Variants in FAM185A observed in about 807,000 individuals in gnomAD.
FAM185A encodes family with sequence similarity 185 member A.
FAM185A carries 21 observed loss-of-function variants against 45.7 expected under a neutral mutation model. The ratio of observed to expected loss-of-function variants is 0.46; its 90% CI spans 0.33 to 0.66. The LOEUF is 0.66. FAM185A is among the 30% of genes least tolerant of loss of function. The pLI is 0.03. For synonymous variants in FAM185A, 117 were observed against 194.0 expected, an observed-to-expected ratio of 0.60 and a Z score of 3.30; for missense variants, 305 against 485.4, an observed-to-expected ratio of 0.63 and a Z score of 3.49.
intron 5 of FAM185A, among the ~76,000 whole-genome samples, chr7:102,775,532 A>T (rs998397129): frequency 2.6e-5 from 4 of 152,158 alleles, no homozygotes; most frequent in Non-Finnish European, 5.9e-5. Context: ...ATTAGAGATC[A>T]ATACAGATAA....
intron 5 of FAM185A, among the ~76,000 whole-genome samples, chr7:102,773,726 GT>G (rs1397826343): frequency 6.6e-6 from 1 of 152,024 alleles, no homozygotes; most frequent in Non-Finnish European, 1.5e-5. Context: ...ATTATTGTCA[GT>G]TTTAAAATTT....
chr7:102,843,924 C>T, the FAM185A span, among the ~76,000 whole-genome samples: 5 of 152,102 alleles, frequency 3.3e-5, no homozygotes, highest in Admixed American at 6.5e-5. Context: ...CTCCATAAGC[C>T]GAAGTCAGAT....
intron 4 of FAM185A, 48 bp from the exon 5 acceptor site, chr7:102,772,360 CT>C (rs1344981936): frequency 8.6e-7 from 1 of 1,166,582 alleles, no homozygotes; most frequent in Admixed American, 2.7e-5. Flanking sequence ...ATCACAGTTC[CT>C]TTCTAGATTG....
intron 2 of FAM185A, 60 bp from the exon 3 acceptor site, chr7:102,757,794 C>CG (rs1212732993): frequency 1.6e-6 from 2 of 1,228,696 alleles, no homozygotes; most frequent in African/African-American, 3.1e-5. Context: ...AAATGTTTCA[C>CG]TAGTATAAGT....
chr7:102,776,192 C>G (rs891805686), intron 5 of FAM185A, among the ~76,000 whole-genome samples: 8 of 149,236 alleles, frequency 5.4e-5, no homozygotes, highest in African/African-American at 2.0e-4. Context: ...TTTGTTTCCA[C>G]TTTGAAGTAA....
chr7:102,838,759 G>A, the FAM185A span, among the ~76,000 whole-genome samples: 6 of 152,196 alleles, frequency 3.9e-5, no homozygotes, highest in South Asian at 2.1e-4. Flanking sequence ...AAAAGTCATC[G>A]CCATTCTGCA....
At position 102,749,326 on chromosome 7, in the gene FAM185A, G is replaced by A; in HGVS notation, c.119G>A (p.Ser40Asn). The change falls in exon 1 of 8, where the codon AGC (serine) becomes AAC (asparagine). Residue 40 changes from serine to asparagine, a missense_variant. Physicochemically the swap from Ser to Asn is conservative, Grantham distance 46. Coordinates refer to ENST00000413034, the MANE Select transcript of FAM185A (RefSeq NM_001145268.2). Reference sequence around the variant, plus strand: ...TGGGCTTGCCAAGCCAGGCCGTACAGCTCAGGTGGGAGCGAGCGCTGGCCC... The same window carrying A: ...TGGGCTTGCCAAGCCAGGCCGTACAACTCAGGTGGGAGCGAGCGCTGGCCC... ...ACWACQARPY[S>N]SGGSERWPGS... 1.3e-6 allele frequency: 2 copies of A among 1,549,648 alleles called. No individual in the cohort carries two copies. The highest frequency in any genetic ancestry group is 2.4e-5 in the East Asian group (1 of 40,916).
chr7:102,805,628 T>G (rs975214725), intron 7 of FAM185A, among the ~76,000 whole-genome samples: 1 of 151,962 alleles, frequency 6.6e-6, no homozygotes, highest in Non-Finnish European at 1.5e-5. Flanking sequence ...AAATTACAAC[T>G]AAAGAACTTA....
intron 2 of FAM185A, chr7:102,754,887 A>G (rs1386468972): frequency 6.6e-6 from 1 of 151,966 alleles, no homozygotes; most frequent in African/African-American, 2.4e-5. Context: ...TGATTTATTT[A>G]AACATTTAAC....
downstream of FAM185A, among the ~76,000 whole-genome samples, chr7:102,811,714 T>C (rs1284724499): frequency 6.6e-6 from 1 of 152,224 alleles, no homozygotes; most frequent in African/African-American, 2.4e-5. Context: ...GATCAGATTT[T>C]TGAAAACATC....
At chr7:102,834,812 A>G in the FAM185A span, 1 of 151,960 alleles carries the variant, frequency 6.6e-6, no homozygotes, top group Non-Finnish European at 1.5e-5. Flanking sequence ...AAATGTTCTC[A>G]CCATAAAAAG....
chr7:102,758,459 T>TTTTTTTTTTTTTTTTTTTTTTTTTTA lies in FAM185A; in HGVS notation c.654+513_654+514insTTTTTTTTTTTTTTTTTTTTTTTTTA, dbSNP rs1554364935. On this transcript the variant is annotated intron_variant, in intron 3 of 7. Coordinates refer to ENST00000413034, the MANE Select transcript of FAM185A (RefSeq NM_001145268.2). ...TTTTTTTTTTTTTTTTTTTTTTTTT[T>TTTTTTTTTTTTTTTTTTTTTTTTTTA]ATAGTAGCTATTGGGATTTTTGTTG... Among the ~76,000 whole-genome samples the TTTTTTTTTTTTTTTTTTTTTTTTTTA allele has an allele frequency of 1.9e-5, 2 of 107,448 alleles. 1 individual carries two copies. 70.5% of individuals were successfully genotyped at this position (107,448 alleles called of 152,430 possible).
At chr7:102,772,481 T>C (rs1490180589) in intron 5 of FAM185A, 31 bp downstream of exon 5, 4 of 1,505,904 alleles carry the variant, frequency 2.7e-6, no homozygotes, top group East Asian at 2.5e-5. Context: ...TCGTGTATTT[T>C]GTCCACTTTT....
At chr7:102,812,839 T>TC (rs1241583921), downstream of FAM185A, among the ~76,000 whole-genome samples, 4 of 150,158 alleles carry the variant, frequency 2.7e-5, no homozygotes, top group African/African-American at 7.3e-5. Flanking sequence ...TGATTTGGCT[T>TC]CTTTTTTTTT....
chr7:102,786,841 A>G lies in FAM185A; in HGVS notation c.932-494A>G, dbSNP rs10272072. Among the ~76,000 whole-genome samples the G allele has an allele frequency of 2.4e-3, 364 of 151,228 alleles. 1 individual carries two copies. The highest frequency in any genetic ancestry group is 7.5e-3 in the African/African-American group (310 of 41,062). ...CTTAAAGTATAATAAAAAAAAAAAA[A>G]CATGGGCTTTGTAATTATTGAGCTG... On this transcript the variant is annotated intron_variant, in intron 6 of 7. Transcript: ENST00000413034.
intron 6 of FAM185A, among the ~76,000 whole-genome samples, chr7:102,781,965 C>T (rs1301958077): frequency 6.6e-6 from 1 of 152,028 alleles, no homozygotes; most frequent in African/African-American, 2.4e-5. Context: ...CCTAAAGGAC[C>T]TGATGGAGCT....
At chr7:102,801,226 G>A (rs950510672) in intron 7 of FAM185A, among the ~76,000 whole-genome samples, 1 of 151,878 alleles carries the variant, frequency 6.6e-6, no homozygotes, top group African/African-American at 2.4e-5. Context: ...GCTAAAAGGA[G>A]CTCTAAATCT....
chr7:102,825,553 T>C, the FAM185A span, among the ~76,000 whole-genome samples: 1 of 152,218 alleles, frequency 6.6e-6, no homozygotes, highest in Non-Finnish European at 1.5e-5. Context: ...TATTCTGTTA[T>C]ACACAACAGA....
intron 4 of FAM185A, among the ~76,000 whole-genome samples, chr7:102,769,683 G>C (rs1226564525): frequency 6.6e-6 from 1 of 152,116 alleles, no homozygotes; most frequent in Non-Finnish European, 1.5e-5. Context: ...GATTTATAAA[G>C]CTTATATATT....
Sources: allele counts gnomAD v4.1 joint callset (sites outside exome capture counted in the v4.1 genomes callset), GRCh38; gene constraint gnomAD v4.1.1; transcripts MANE v1.5; gene names NCBI Gene and HGNC (gene_info 2026-07-23, HGNC 2026-07-21).